Variants in BPIFC observed in about 807,000 individuals in gnomAD.
BPIFC encodes the protein BPI fold-containing family C protein.
BPIFC carries 60 observed loss-of-function variants against 57.6 expected under a neutral mutation model. That is an observed-to-expected ratio of 1.04 (90% CI 0.85 to 1.29). BPIFC has a LOEUF of 1.29. Among genes scored for constraint, BPIFC ranks in the 50% most tolerant of loss-of-function variants. BPIFC has a pLI of 0.00. For missense variants in BPIFC, 581 were observed against 600.5 expected (o/e 0.97, Z 0.34); for synonymous variants, 243 against 224.5 (o/e 1.08, Z -0.74).
intron 7 of BPIFC, among the ~76,000 whole-genome samples, chr22:32,443,049 G>A (rs901575353): frequency 2.0e-5 from 3 of 152,022 alleles, no homozygotes; most frequent in Admixed American, 6.5e-5. Flanking sequence ...TGTTATACCC[G>A]AGGAACCTGC....
intron 4 of BPIFC, among the ~76,000 whole-genome samples, chr22:32,449,322 A>G (rs993166509): frequency 1.3e-5 from 2 of 152,230 alleles, no homozygotes; most frequent in African/African-American, 4.8e-5. Context: ...GGGAGACAAA[A>G]TGACTTCATT....
At chr22:32,428,250 CGTGTGTGT>C (rs34028436) in intron 13 of BPIFC, among the ~76,000 whole-genome samples, 23 of 143,266 alleles carry the variant, frequency 1.6e-4, no homozygotes, top group African/African-American at 5.1e-4. Flanking sequence ...TACATTAAAA[CGTGTGTGT>C]GTGTGTGTGT....
chr22:32,453,853 C>A (rs774728949), intron 3 of BPIFC, among the ~76,000 whole-genome samples: 1 of 151,772 alleles, frequency 6.6e-6, no homozygotes, highest in Non-Finnish European at 1.5e-5. Flanking sequence ...GAGGTTGAGG[C>A]GGGAGGATCG....
chr22:32,450,147 T>TAC (rs1934855265), intron 4 of BPIFC, among the ~76,000 whole-genome samples: 3 of 125,726 alleles, frequency 2.4e-5, no homozygotes, highest in Admixed American at 7.8e-5. Flanking sequence ...CACACATATA[T>TAC]ACACATATAT....
chr22:32,443,040 G>C (rs17691812), intron 7 of BPIFC, among the ~76,000 whole-genome samples: 12,783 of 152,102 alleles, frequency 0.084, 742 homozygotes, highest in Non-Finnish European at 0.13. Flanking sequence ...AGTCCATGCT[G>C]TTATACCCGA....
intron 4 of BPIFC, among the ~76,000 whole-genome samples, chr22:32,449,928 G>A (rs1320673861): frequency 6.6e-6 from 1 of 151,886 alleles, no homozygotes; most frequent in Non-Finnish European, 1.5e-5. Flanking sequence ...TAGAGATGGG[G>A]TTTCACCGTG....
chr22:32,460,064 T>G (rs1335410223), intron 2 of BPIFC, among the ~76,000 whole-genome samples: 22 of 151,886 alleles, frequency 1.4e-4, no homozygotes, highest in Admixed American at 1.4e-3. Flanking sequence ...GGCTTTAAGG[T>G]GAGGCCATGG....
intron 12 of BPIFC, 84 bp downstream of exon 12, chr22:32,432,289 A>G: frequency 6.8e-7 from 1 of 1,465,310 alleles, no homozygotes; most frequent in South Asian, 1.3e-5. Context: ...ACCCTCTTCA[A>G]ACGTTTAAAA....
chr22:32,416,868 G>A (rs1933694012), intron 15 of BPIFC, among the ~76,000 whole-genome samples: 1 of 152,192 alleles, frequency 6.6e-6, no homozygotes, highest in Admixed American at 6.5e-5. Flanking sequence ...TTTGCAAATA[G>A]AATTGCTAAC....
chr22:32,453,310 G>T, intron 4 of BPIFC, 73 bp downstream of exon 4: 9 of 1,047,794 alleles, frequency 8.6e-6, no homozygotes, highest in Non-Finnish European at 1.2e-5. Flanking sequence ...GAAATCGTGG[G>T]GCTTCCATAG....
chr22:32,448,853 C>T (rs551969816), intron 4 of BPIFC, among the ~76,000 whole-genome samples: 1 of 117,990 alleles, frequency 8.5e-6, no homozygotes, highest in African/African-American at 3.0e-5. Context: ...CAGGAGAATC[C>T]CTTGAACCCA....
At chr22:32,429,578 G>A (rs150742646) in intron 13 of BPIFC, among the ~76,000 whole-genome samples, 8,730 of 142,366 alleles carry the variant, frequency 0.061, 308 homozygotes, top group African/African-American at 0.1. Context: ...GTGCAGTGGC[G>A]CAATCTCTGC....
chr22:32,453,246 A>G, intron 4 of BPIFC, 137 bp downstream of exon 4: 1 of 591,336 alleles, frequency 1.7e-6, no homozygotes, highest in Non-Finnish European at 2.7e-6. Flanking sequence ...TTGAGAATAG[A>G]AACCAGAGCT....
intron 13 of BPIFC, among the ~76,000 whole-genome samples, chr22:32,419,647 A>C (rs1225964901): frequency 6.6e-6 from 1 of 151,990 alleles, no homozygotes; most frequent in East Asian, 1.9e-4. Flanking sequence ...CTACTAAAAA[A>C]ATGCAAAAAT....
At chr22:32,450,740 C>T (rs937044268) in intron 4 of BPIFC, among the ~76,000 whole-genome samples, 11 of 152,036 alleles carry the variant, frequency 7.2e-5, no homozygotes, top group African/African-American at 2.4e-4. Flanking sequence ...TAAGTGCTGA[C>T]ATGATGCTCA....
chr22:32,415,046 T>A (rs767172376), intron 16 of BPIFC, among the ~76,000 whole-genome samples: 4 of 152,228 alleles, frequency 2.6e-5, no homozygotes, highest in Non-Finnish European at 5.9e-5. Context: ...TTCCACTGAC[T>A]GGGATTGGGG....
chr22:32,446,573 T>C (rs62241177), intron 5 of BPIFC, among the ~76,000 whole-genome samples: 9 of 152,308 alleles, frequency 5.9e-5, no homozygotes, highest in Non-Finnish European at 1.0e-4. Flanking sequence ...TGGAGTTCTT[T>C]AGATGGGGAT....
At chr22:32,454,924 G>A (rs577004495) in intron 3 of BPIFC, among the ~76,000 whole-genome samples, 103 of 152,210 alleles carry the variant, frequency 6.8e-4, no homozygotes, top group African/African-American at 2.5e-3. Context: ...GAAAATGACA[G>A]TAGCTGATAC....
chr22:32,442,639 A>G (rs774995051), intron 8 of BPIFC, 32 bp downstream of exon 8: 3 of 1,602,416 alleles, frequency 1.9e-6, no homozygotes, highest in East Asian at 4.5e-5. Flanking sequence ...GTAGGAAGAC[A>G]ACCATCTGGA....
Sources: allele counts gnomAD v4.1 joint callset (sites outside exome capture counted in the v4.1 genomes callset), GRCh38; gene constraint gnomAD v4.1.1; transcripts MANE v1.5; gene names NCBI Gene and HGNC (gene_info 2026-07-23, HGNC 2026-07-21).